ZNF609: variants seen among roughly 807,000 people sequenced by gnomAD.
ZNF609 encodes zinc finger protein 609.
Under a neutral mutation model 109.5 loss-of-function variants are expected in ZNF609, and 11 were observed. The ratio of observed to expected loss-of-function variants is 0.10; its 90% CI spans 0.06 to 0.17. ZNF609 has a LOEUF of 0.17. Among genes scored for constraint, ZNF609 ranks in the 10% least tolerant of loss-of-function variants. ZNF609 has a pLI of 1.00. For missense variants in ZNF609, 1,559 were observed against 1,772.4 expected, an observed-to-expected ratio of 0.88 and a Z score of 2.16; for synonymous variants, 646 against 662.0, an observed-to-expected ratio of 0.98 and a Z score of 0.37.
chr15:64,529,605 A>C lies in ZNF609; in HGVS notation c.747+29439A>C, dbSNP rs545792570. 2.3e-6 allele frequency: 3 copies of C among 1,290,964 alleles called. No homozygotes were observed. The African/African-American group carries it at 4.4e-5, about 19-fold the overall frequency. The allele number at this position is 1,290,964 out of a possible 1,614,324, so 80.0% of individuals were successfully genotyped here. Reference sequence around the variant, plus strand: ...CAATATCCACTTTACCAGAGTTAAAAGCAGTCATGGTGCACCAGGCACCCA... The same window carrying C: ...CAATATCCACTTTACCAGAGTTAAACGCAGTCATGGTGCACCAGGCACCCA... On this transcript the variant is annotated intron_variant, in intron 2 of 9. Transcript: ENST00000326648.
At chr15:64,534,428 CCT>C (rs1477309841) in intron 2 of ZNF609, among the ~76,000 whole-genome samples, 3 of 152,070 alleles carry the variant, frequency 2.0e-5, no homozygotes, top group African/African-American at 7.2e-5. Flanking sequence ...GATTCTCCTG[CCT>C]CAGCCTCCCA....
rs376906163 is a variant in ZNF609, at chr15:64,577,426, TAC to T, written c.748-45397_748-45396del. Among the ~76,000 whole-genome samples, 2 of 14,444 alleles carry T rather than the reference TAC, an allele frequency of 1.4e-4. 1 individual carries two copies. Among genetic ancestry groups the T allele is most frequent in the African/African-American group, 2.2e-4 (2 of 9,150 alleles). The allele number at this position is 14,444 out of a possible 152,430, so 9.5% of individuals were successfully genotyped here. On this transcript the variant is annotated intron_variant, in intron 2 of 9. Coordinates refer to ENST00000326648, the MANE Select transcript of ZNF609 (RefSeq NM_015042.2). ...GTATATATATACACATATAAATATA[TAC>T]ACATATATGTATATATATACACATA...
At chr15:64,636,164 AG>A (rs140273354) in intron 3 of ZNF609, among the ~76,000 whole-genome samples, 4,775 of 152,264 alleles carry the variant, frequency 0.031, 109 homozygotes, top group South Asian at 0.081. Context: ...GTACTTTCAA[AG>A]GGGTAGGGGT....
intron 3 of ZNF609, among the ~76,000 whole-genome samples, chr15:64,634,612 C>G (rs184436453): frequency 6.6e-6 from 1 of 152,266 alleles, no homozygotes; most frequent in Admixed American, 6.5e-5. Context: ...TTCTCATATG[C>G]TATAATTAAT....
At chr15:64,625,230 T>C (rs947753529) in intron 3 of ZNF609, among the ~76,000 whole-genome samples, 2 of 152,224 alleles carry the variant, frequency 1.3e-5, no homozygotes, top group East Asian at 3.8e-4. Context: ...GTACTTAACA[T>C]AGGTGGCATC....
chr15:64,596,702 C>G (rs1051658612), intron 2 of ZNF609, among the ~76,000 whole-genome samples: 1 of 152,164 alleles, frequency 6.6e-6, no homozygotes, highest in Non-Finnish European at 1.5e-5. Context: ...CAGTCCCTTT[C>G]GTTTACCACC....
intron 2 of ZNF609, among the ~76,000 whole-genome samples, chr15:64,599,754 A>G (rs1162368781): frequency 6.6e-6 from 1 of 152,152 alleles, no homozygotes; most frequent in Non-Finnish European, 1.5e-5. Context: ...GTTAAGTCCC[A>G]ATTTAACTCT....
At chr15:64,592,312 C>T (rs1046712202) in intron 2 of ZNF609, among the ~76,000 whole-genome samples, 1 of 152,214 alleles carries the variant, frequency 6.6e-6, no homozygotes, top group African/African-American at 2.4e-5. Context: ...CATGGTGGCT[C>T]ACGCCTATAA....
At chr15:64,557,160 C>G (rs1470913236) in intron 2 of ZNF609, among the ~76,000 whole-genome samples, 1 of 149,198 alleles carries the variant, frequency 6.7e-6, no homozygotes, top group Non-Finnish European at 1.5e-5. Context: ...ACTGAGCAAA[C>G]CTGAAATGTA....
chr15:64,612,627 C>CT (rs60895709), intron 2 of ZNF609, among the ~76,000 whole-genome samples: 100 of 132,274 alleles, frequency 7.6e-4, no homozygotes, highest in African/African-American at 2.6e-3. Flanking sequence ...CCAGGAGCCT[C>CT]TTTTTTTTTT....
chr15:64,489,200 T>G (rs1482649419), intron 1 of ZNF609, among the ~76,000 whole-genome samples: 2 of 151,980 alleles, frequency 1.3e-5, no homozygotes, highest in Admixed American at 6.5e-5. Context: ...TTTGTTTTTC[T>G]TTTGAGATGG....
At chr15:64,535,274 T>G (rs556158428) in intron 2 of ZNF609, among the ~76,000 whole-genome samples, 1 of 152,298 alleles carries the variant, frequency 6.6e-6, no homozygotes, top group South Asian at 2.1e-4. Context: ...GGTCTGGAAC[T>G]CCTGGCCTCA....
chr15:64,583,363 T>G (rs1895144245), intron 2 of ZNF609, among the ~76,000 whole-genome samples: 1 of 151,800 alleles, frequency 6.6e-6, no homozygotes, highest in South Asian at 2.1e-4. Context: ...AAAATAAAAA[T>G]TAAATTAAAT....
intron 2 of ZNF609, among the ~76,000 whole-genome samples, chr15:64,595,010 A>AAAAAAG (rs1555421708): frequency 4.7e-4 from 71 of 149,726 alleles, no homozygotes; most frequent in African/African-American, 1.7e-3. Flanking sequence ...TCAAAAAAAA[A>AAAAAAG]AAAAAAGAAA....
chr15:64,475,544 G>A (rs930290724), intron 1 of ZNF609, among the ~76,000 whole-genome samples: 16 of 151,560 alleles, frequency 1.1e-4, no homozygotes, highest in Admixed American at 9.2e-4. Context: ...GCCCGCCACC[G>A]CGCCTGGCTA....
intron 4 of ZNF609, among the ~76,000 whole-genome samples, chr15:64,673,293 A>G (rs1896763084): frequency 6.6e-6 from 1 of 152,214 alleles, no homozygotes; most frequent in Non-Finnish European, 1.5e-5. Context: ...TTAGATTTAC[A>G]AGGGAACCAA....
At chr15:64,562,031 G>C (rs1894689719) in intron 2 of ZNF609, among the ~76,000 whole-genome samples, 1 of 152,186 alleles carries the variant, frequency 6.6e-6, no homozygotes, top group African/African-American at 2.4e-5. Flanking sequence ...ACATCATAAT[G>C]TACTGCCTGA....
chr15:64,621,940 G>A (rs1419083650), intron 2 of ZNF609, among the ~76,000 whole-genome samples: 1 of 151,872 alleles, frequency 6.6e-6, no homozygotes, highest in African/African-American at 2.4e-5. Flanking sequence ...TAGTCAGGCT[G>A]GTCTCGAACT....
intron 3 of ZNF609, among the ~76,000 whole-genome samples, chr15:64,669,032 G>C (rs1896689822): frequency 7.1e-6 from 1 of 140,368 alleles, no homozygotes; most frequent in Non-Finnish European, 1.6e-5. Context: ...TCTTTTATCA[G>C]ATTGGCAAAG....
Sources: allele counts gnomAD v4.1 joint callset (sites outside exome capture counted in the v4.1 genomes callset), GRCh38; gene constraint gnomAD v4.1.1; transcripts MANE v1.5; gene names NCBI Gene and HGNC (gene_info 2026-07-23, HGNC 2026-07-21).